The following CCDC172 variants were observed in gnomAD, a reference collection of about 807,000 sequenced individuals.
CCDC172 encodes coiled-coil domain-containing protein 172.
A neutral mutation model predicts 38.0 loss-of-function variants in CCDC172; 30 were observed. The observed-to-expected ratio is 0.79, with a 90% confidence interval of 0.59 to 1.07. The LOEUF (loss-of-function observed/expected upper bound fraction) is 1.07, where lower values mean the gene tolerates loss of function less well. Ranked by LOEUF, CCDC172 falls within the 50% of genes least tolerant of loss-of-function variation. The pLI, the probability that CCDC172 is intolerant of heterozygous loss-of-function variation, is 0.00. For missense variants in CCDC172, 297 were observed against 290.1 expected (o/e 1.02, Z -0.17); for synonymous variants, 78 against 88.3 (o/e 0.88, Z 0.66).
intron 7 of CCDC172, among the ~76,000 whole-genome samples, chr10:116,359,743 C>T (rs181655492): frequency 8.5e-5 from 13 of 152,282 alleles, no homozygotes; most frequent in Admixed American, 7.8e-4. Context: ...CAGAGGAAAT[C>T]TTTAATATTA....
chr10:116,341,541 T>C (rs186496964), intron 4 of CCDC172, among the ~76,000 whole-genome samples: 1 of 152,210 alleles, frequency 6.6e-6, no homozygotes, highest in African/African-American at 2.4e-5. Context: ...TAAACTATTA[T>C]TTAAAACTGA....
chr10:116,360,666 C>G (rs1040073873), intron 7 of CCDC172, among the ~76,000 whole-genome samples: 1 of 152,108 alleles, frequency 6.6e-6, no homozygotes, highest in African/African-American at 2.4e-5. Context: ...TCTGGAAAGG[C>G]AAACTGGGAA....
intron 4 of CCDC172, among the ~76,000 whole-genome samples, chr10:116,341,378 C>T (rs893155535): frequency 4.6e-5 from 7 of 151,846 alleles, no homozygotes; most frequent in Non-Finnish European, 8.8e-5. Context: ...AATGACGTGG[C>T]CAGTTTGAAA....
chr10:116,378,289 T>C, intron 7 of CCDC172, 134 bp from the exon 8 acceptor site: 2 of 902,060 alleles, frequency 2.2e-6, no homozygotes, highest in Non-Finnish European at 3.1e-6. Flanking sequence ...GAATTATAGA[T>C]AATTAAAATA....
intron 7 of CCDC172, among the ~76,000 whole-genome samples, chr10:116,363,277 TTTC>T (rs1399076355): frequency 6.6e-6 from 1 of 152,140 alleles, no homozygotes. Flanking sequence ...CTTCTAGCCC[TTTC>T]TCAGCAGATT....
intron 5 of CCDC172, among the ~76,000 whole-genome samples, chr10:116,353,305 A>G (rs2134942314): frequency 6.6e-6 from 1 of 152,292 alleles, no homozygotes; most frequent in East Asian, 1.9e-4. Flanking sequence ...TTATAAGAAA[A>G]TACGGGTGTA....
rs1049156215 is a variant in CCDC172 at position 116,357,947 on chromosome 10, T to C, written c.653+9T>C. On this transcript the variant is annotated intron_variant, in intron 7 of 8. Coordinates refer to ENST00000333254, the MANE Select transcript of CCDC172 (RefSeq NM_198515.3). ...GATACAGAATGCTTAAGGTAAGAGT[T>C]TCCTGTTATATTTTGGCCTAAATCA... 1.3e-6 allele frequency: 2 copies of C among 1,498,832 alleles called. No homozygotes were observed. Among genetic ancestry groups the C allele is most frequent in the African/African-American group, 2.8e-5 (2 of 71,510 alleles). The allele number at this position is 1,498,832 out of a possible 1,614,324, so 92.8% of individuals were successfully genotyped here.
At chr10:116,355,487 T>A (rs1589955021) in intron 5 of CCDC172, among the ~76,000 whole-genome samples, 1 of 152,116 alleles carries the variant, frequency 6.6e-6, no homozygotes, top group East Asian at 1.9e-4. Context: ...TCAGAACATA[T>A]CCCTGTTGTC....
At chr10:116,378,654 C>A in intron 8 of CCDC172, 144 bp downstream of exon 8, 1 of 648,930 alleles carries the variant, frequency 1.5e-6, no homozygotes, top group Non-Finnish European at 2.6e-6. Context: ...TAACTAGGAT[C>A]AGGATGTAAA....
At chr10:116,332,578 G>T (rs573991674) in intron 3 of CCDC172, among the ~76,000 whole-genome samples, 6 of 152,140 alleles carry the variant, frequency 3.9e-5, no homozygotes, top group East Asian at 1.9e-4. Flanking sequence ...TGTGGATCTA[G>T]CACTATTATA....
intron 7 of CCDC172, among the ~76,000 whole-genome samples, chr10:116,361,236 C>T (rs1022544081): frequency 1.3e-5 from 2 of 152,014 alleles, no homozygotes; most frequent in African/African-American, 4.8e-5. Context: ...ACACCTGCCT[C>T]AGTCTCCCAA....
chr10:116,333,244 C>CTT (rs1223235332), intron 3 of CCDC172, among the ~76,000 whole-genome samples: 2 of 152,008 alleles, frequency 1.3e-5, no homozygotes, highest in Non-Finnish European at 2.9e-5. Context: ...TGCAATTTGC[C>CTT]TATAAATACA....
chr10:116,370,743 T>C (rs1173344184), intron 7 of CCDC172, among the ~76,000 whole-genome samples: 1 of 151,814 alleles, frequency 6.6e-6, no homozygotes, highest in Non-Finnish European at 1.5e-5. Flanking sequence ...TTAGGATCAA[T>C]TTGCCTAGCA....
chr10:116,370,450 A>G (rs1185434358), intron 7 of CCDC172, among the ~76,000 whole-genome samples: 3 of 151,942 alleles, frequency 2.0e-5, no homozygotes, highest in Non-Finnish European at 2.9e-5. Context: ...AGTTTTCTCA[A>G]CACAATTTAA....
At position 116,325,326 on chromosome 10, in the gene CCDC172, C is replaced by A; in HGVS notation, c.103C>A (p.Arg35Ser). Residue 35 changes from arginine (R) to serine (S), a missense_variant, in exon 3 of 9, where the codon CGT becomes AGT. Physicochemically the swap from Arg to Ser is moderately radical, Grantham distance 110. Coordinates refer to ENST00000333254, the MANE Select transcript of CCDC172 (RefSeq NM_198515.3). ...REVRSEITRCREKIKKATEEL... is the reference protein window; with the variant it reads ...REVRSEITRCSEKIKKATEEL... ...AGTAAGGTCGGAAATAACCAGATGT[C>A]GTGAAAAAATTAAGAAAGCAACGGA... 6.2e-7 allele frequency: 1 copy of A among 1,612,810 alleles called. No individual in the cohort carries two copies. The highest frequency in any genetic ancestry group is 1.1e-5 in the South Asian group (1 of 90,960).
chr10:116,362,412 C>T (rs560364794), intron 7 of CCDC172, among the ~76,000 whole-genome samples: 1 of 152,250 alleles, frequency 6.6e-6, no homozygotes, highest in South Asian at 2.1e-4. Flanking sequence ...TATAACCAGT[C>T]TCTCATTAAT....
intron 7 of CCDC172, among the ~76,000 whole-genome samples, chr10:116,366,070 C>T (rs1156370336): frequency 1.3e-5 from 2 of 152,028 alleles, no homozygotes; most frequent in Non-Finnish European, 2.9e-5. Context: ...TCACCATCCA[C>T]CCTTATTATA....
intron 7 of CCDC172, among the ~76,000 whole-genome samples, chr10:116,369,590 T>G (rs1351030974): frequency 6.6e-6 from 1 of 152,044 alleles, no homozygotes; most frequent in African/African-American, 2.4e-5. Flanking sequence ...TTGTAATAGA[T>G]GTACTACAGT....
chr10:116,375,727 C>A (rs1450906617), intron 7 of CCDC172, among the ~76,000 whole-genome samples: 1 of 152,070 alleles, frequency 6.6e-6, no homozygotes, highest in East Asian at 1.9e-4. Context: ...AGGATATGAA[C>A]AGACACTTCT....
Sources: allele counts gnomAD v4.1 joint callset (sites outside exome capture counted in the v4.1 genomes callset), GRCh38; gene constraint gnomAD v4.1.1; transcripts MANE v1.5; gene names NCBI Gene and HGNC (gene_info 2026-07-23, HGNC 2026-07-21).